MAP2K4: variants seen among roughly 807,000 people sequenced by gnomAD.
The protein encoded by MAP2K4 is dual specificity mitogen-activated protein kinase kinase 4.
Under a neutral mutation model 48.5 loss-of-function variants are expected in MAP2K4, and 4 were observed. The ratio of observed to expected loss-of-function variants is 0.08; its 90% confidence interval spans 0.04 to 0.19. MAP2K4 has a LOEUF of 0.19. Ranked by LOEUF, MAP2K4 falls within the 10% of genes least tolerant of loss-of-function variation. MAP2K4 has a pLI of 1.00. For missense variants in MAP2K4, 258 were observed against 493.3 expected (o/e 0.52, Z 4.52); for synonymous variants, 166 against 173.1 (o/e 0.96, Z 0.32).
chr17:12,071,429 C>G (rs1970804339), intron 2 of MAP2K4, among the ~76,000 whole-genome samples: 3 of 152,062 alleles, frequency 2.0e-5, no homozygotes, highest in African/African-American at 7.2e-5. Flanking sequence ...AGAAGATAGC[C>G]TTTGTGACAC....
In MAP2K4 at chr17:12,141,339, G is replaced by T; in HGVS notation, c.*79G>T. Reference sequence around the variant, plus strand: ...AAGAATTTTCATCCCGTATCACAGTGTTTTTATTGCTCGCCCAGACACCAT... The same window carrying T: ...AAGAATTTTCATCCCGTATCACAGTTTTTTTATTGCTCGCCCAGACACCAT... On this transcript the variant is annotated 3_prime_UTR_variant, in exon 11 of 11. Coordinates refer to ENST00000353533, the MANE Select transcript of MAP2K4 (RefSeq NM_003010.4). 1 of 990,908 alleles carries T rather than the reference G, an allele frequency of 1.0e-6. No homozygotes were observed. The highest frequency in any genetic ancestry group is 2.1e-4 in the Middle Eastern group (1 of 4,852). The allele number at this position is 990,908 out of a possible 1,614,324, so 61.4% of individuals were successfully genotyped here.
intron 1 of MAP2K4, among the ~76,000 whole-genome samples, chr17:12,037,541 A>G (rs538413599): frequency 1.2e-4 from 18 of 152,274 alleles, no homozygotes; most frequent in Admixed American, 3.3e-4. Context: ...TATAATTTGG[A>G]AATTATTAAA....
At chr17:12,092,398 A>G (rs946213453) in intron 3 of MAP2K4, among the ~76,000 whole-genome samples, 6 of 152,178 alleles carry the variant, frequency 3.9e-5, no homozygotes, top group African/African-American at 1.4e-4. Context: ...ATTTTTAGGT[A>G]GTTATGCTCC....
chr17:12,125,762 A>G (rs547473736), intron 8 of MAP2K4, among the ~76,000 whole-genome samples: 2 of 152,328 alleles, frequency 1.3e-5, no homozygotes, highest in East Asian at 3.9e-4. Context: ...AATACTGTAT[A>G]TAGTGTGTAT....
intron 3 of MAP2K4, among the ~76,000 whole-genome samples, chr17:12,086,062 T>C (rs1412658339): frequency 6.6e-6 from 1 of 152,200 alleles, no homozygotes; most frequent in African/African-American, 2.4e-5. Flanking sequence ...TGGCCTTCAA[T>C]TGGAAAAGTT....
intron 3 of MAP2K4, among the ~76,000 whole-genome samples, chr17:12,094,464 A>G (rs1971663376): frequency 6.6e-6 from 1 of 152,176 alleles, no homozygotes; most frequent in Non-Finnish European, 1.5e-5. Context: ...AACATTTGAC[A>G]GATACTTCGA....
intron 3 of MAP2K4, among the ~76,000 whole-genome samples, chr17:12,093,689 C>T (rs1971638325): frequency 6.6e-6 from 1 of 152,066 alleles, no homozygotes; most frequent in African/African-American, 2.4e-5. Flanking sequence ...CATTTGTTAA[C>T]ACCTTTTAAT....
chr17:12,029,524 G>A (rs777285680), intron 1 of MAP2K4, among the ~76,000 whole-genome samples: 3 of 152,040 alleles, frequency 2.0e-5, no homozygotes, highest in African/African-American at 4.8e-5. Context: ...AGGCACACAC[G>A]ACTTAAAATG....
At chr17:12,129,749 TC>T (rs1247780152) in intron 9 of MAP2K4, among the ~76,000 whole-genome samples, 2 of 152,200 alleles carry the variant, frequency 1.3e-5, no homozygotes, top group African/African-American at 2.4e-5. Context: ...TAGGGTCACA[TC>T]CACACGCAAA....
At chr17:12,125,226 G>A (rs567060749) in intron 7 of MAP2K4, 68 bp from the exon 8 acceptor site, 1 of 1,157,344 alleles carries the variant, frequency 8.6e-7, no homozygotes, top group Non-Finnish European at 1.3e-6. Flanking sequence ...CTACCCAGCT[G>A]TTGCTTCCAT....
chr17:12,098,733 C>G (rs968080876), intron 4 of MAP2K4, among the ~76,000 whole-genome samples: 1 of 151,974 alleles, frequency 6.6e-6, no homozygotes, highest in Admixed American at 6.6e-5. Flanking sequence ...GTGAGAGAGA[C>G]AGTGCTTTCA....
intron 1 of MAP2K4, among the ~76,000 whole-genome samples, chr17:12,023,516 C>G (rs28918080): frequency 0.04 from 6,062 of 152,192 alleles, 392 homozygotes; most frequent in African/African-American, 0.14. Context: ...CAAAAAACTT[C>G]CTTTCTGGGA....
intron 1 of MAP2K4, among the ~76,000 whole-genome samples, chr17:12,039,642 A>G (rs1458074589): frequency 6.6e-6 from 1 of 152,200 alleles, no homozygotes; most frequent in Admixed American, 6.5e-5. Context: ...CATTAAATGA[A>G]CAAAACAATA....
chr17:12,065,265 T>TATTATTATG (rs1970576971), intron 2 of MAP2K4, among the ~76,000 whole-genome samples: 1 of 100,366 alleles, frequency 1.0e-5, no homozygotes, highest in Admixed American at 1.0e-4. Context: ...CATATATTAT[T>TATTATTATG]ATTATTATTA....
Position 12,081,466 on chromosome 17 carries a change from G to A in MAP2K4, c.329G>A (p.Arg110Gln), listed in dbSNP as rs2151548723. The A allele has an allele frequency of 6.2e-7, 1 of 1,614,152 alleles. No homozygotes were observed. Among genetic ancestry groups the A allele is most frequent in the Non-Finnish European group, 8.5e-7 (1 of 1,180,020 alleles). Residue 110 changes from arginine to glutamine, a missense_variant, in exon 3 of 11, where the codon CGA becomes CAA. Physicochemically the swap from Arg to Gln is conservative, Grantham distance 43. Around this residue, in one of 3 missense-constraint regions of MAP2K4, gnomAD observed 132 missense variants for 352.8 expected, o/e 0.37. Coordinates refer to ENST00000353533, the MANE Select transcript of MAP2K4 (RefSeq NM_003010.4). This position sits in a 1 kb window ranked among gnomAD's most constrained non-coding sequence, Gnocchi z 4.2. ...EDLKDLGEIGRGAYGSVNKMV... is the reference protein window; with the variant it reads ...EDLKDLGEIGQGAYGSVNKMV... ...TTGAAAGACCTTGGAGAAATTGGACGAGGAGCTTATGGTTCTGTCAACAAA... is the reference window on the plus strand; with the variant it reads ...TTGAAAGACCTTGGAGAAATTGGACAAGGAGCTTATGGTTCTGTCAACAAA...
intron 7 of MAP2K4, among the ~76,000 whole-genome samples, chr17:12,122,392 A>G (rs1972721746): frequency 6.6e-6 from 1 of 152,324 alleles, no homozygotes; most frequent in African/African-American, 2.4e-5. Context: ...CATGTCCTTA[A>G]CCGTGGCAAG....
intron 1 of MAP2K4, among the ~76,000 whole-genome samples, chr17:12,022,633 TTTA>T (rs1280008450): frequency 5.9e-5 from 9 of 152,074 alleles, no homozygotes; most frequent in African/African-American, 2.2e-4. Flanking sequence ...TCAAAAAATA[TTTA>T]TTGAGCATCT....
intron 1 of MAP2K4, among the ~76,000 whole-genome samples, chr17:12,052,249 A>G (rs1970165495): frequency 6.6e-6 from 1 of 152,190 alleles, no homozygotes; most frequent in Non-Finnish European, 1.5e-5. Context: ...ATCAGAATAT[A>G]AATTTGGACT....
intron 2 of MAP2K4, among the ~76,000 whole-genome samples, chr17:12,079,587 T>G (rs887518241): frequency 8.5e-5 from 13 of 152,148 alleles, no homozygotes; most frequent in African/African-American, 3.1e-4. Context: ...GCCCTTCAAT[T>G]AGCGAACACT....
Sources: gnomAD v4.1 joint callset for allele counts (sites outside exome capture counted in the v4.1 genomes callset) on GRCh38, gnomAD v4.1.1 for gene constraint, gnomAD v4.1.1 regional missense constraint, Gnocchi (gnomAD v3.1) non-coding constraint, MANE v1.5 for transcripts, NCBI Gene and HGNC (gene_info 2026-07-23, HGNC 2026-07-21) for gene names.